Variants in NIBAN2 observed in about 807,000 individuals in gnomAD.
The protein encoded by NIBAN2 is protein Niban 2.
In NIBAN2, 36 loss-of-function variants were observed where a neutral mutation model predicts 81.8. That is an observed-to-expected ratio of 0.44 (90% confidence interval 0.34 to 0.58). The LOEUF (loss-of-function observed/expected upper bound fraction) is 0.58, where lower values mean the gene tolerates loss of function less well. Ranked by LOEUF, NIBAN2 falls within the 20% of genes least tolerant of loss-of-function variation. The pLI is 0.02. For synonymous variants in NIBAN2, 445 were observed against 441.6 expected (o/e 1.01, Z -0.10); for missense variants, 897 against 1,014.1 (o/e 0.88, Z 1.57).
chr9:127,547,312 T>C (rs1439326228), intron 1 of NIBAN2, among the ~76,000 whole-genome samples: 1 of 150,828 alleles, frequency 6.6e-6, no homozygotes, highest in African/African-American at 2.5e-5. Flanking sequence ...AGGTCAGGAG[T>C]TTGAGACCAG....
chr9:127,555,502 AC>A (rs1837651079), intron 1 of NIBAN2, among the ~76,000 whole-genome samples: 1 of 152,296 alleles, frequency 6.6e-6, no homozygotes, highest in South Asian at 2.1e-4. Context: ...CCAGCGGCGG[AC>A]CCTGGGCCTC....
intron 8 of NIBAN2, among the ~76,000 whole-genome samples, chr9:127,515,572 C>G (rs1306179345): frequency 6.7e-6 from 1 of 149,078 alleles, no homozygotes; most frequent in Non-Finnish European, 1.5e-5. Flanking sequence ...CACAGTGGCT[C>G]ACACCTGTAA....
intron 2 of NIBAN2, among the ~76,000 whole-genome samples, chr9:127,529,788 T>C (rs1376224083): frequency 1.3e-5 from 2 of 152,248 alleles, no homozygotes; most frequent in Non-Finnish European, 2.9e-5. Context: ...TGGTGATTAA[T>C]ATTATTTCCA....
Position 127,566,131 on chromosome 9 carries a change from CA to C in NIBAN2, c.55+2688del, listed in dbSNP as rs542449304. ...TGGGTGACAGAGCAAGACCTTGTCTCAAAAAAAAAAAGATATTACTCCAAGG... is the reference window on the plus strand; with the variant it reads ...TGGGTGACAGAGCAAGACCTTGTCTCAAAAAAAAAAGATATTACTCCAAGG... On this transcript the variant is annotated intron_variant, in intron 1 of 13. Coordinates refer to ENST00000373312, the MANE Select transcript of NIBAN2 (RefSeq NM_022833.4). Among the ~76,000 whole-genome samples, 243 of 143,098 alleles carry C rather than the reference CA, an allele frequency of 1.7e-3. 1 individual carries two copies. The highest frequency in any genetic ancestry group is 3.7e-3 in the South Asian group (17 of 4,542). The allele number at this position is 143,098 out of a possible 152,430, so 93.9% of individuals were successfully genotyped here.
At chr9:127,572,669 T>C (rs1183996279), upstream of NIBAN2, among the ~76,000 whole-genome samples, 1 of 152,000 alleles carries the variant, frequency 6.6e-6, no homozygotes, top group Non-Finnish European at 1.5e-5. Context: ...CTTTTCTGCC[T>C]CCTACTGTCC....
intron 2 of NIBAN2, among the ~76,000 whole-genome samples, chr9:127,529,796 C>G (rs953075918): frequency 2.0e-5 from 3 of 152,118 alleles, no homozygotes; most frequent in African/African-American, 2.4e-5. Flanking sequence ...AATATTATTT[C>G]CAGTATTATG....
intron 8 of NIBAN2, among the ~76,000 whole-genome samples, chr9:127,512,763 G>T (rs878874063): frequency 6.6e-6 from 1 of 152,194 alleles, no homozygotes; most frequent in Admixed American, 6.5e-5. Flanking sequence ...AATTTTCAGG[G>T]TTCACAGTGG....
At chr9:127,567,364 G>A (rs1336444069) in intron 1 of NIBAN2, among the ~76,000 whole-genome samples, 1 of 152,210 alleles carries the variant, frequency 6.6e-6, no homozygotes, top group Non-Finnish European at 1.5e-5. Context: ...CCACAGTCCA[G>A]GCCTGGTCGG....
Position 127,510,321 on chromosome 9 carries a change from G to A in NIBAN2, c.986C>T (p.Pro329Leu). 1.2e-6 allele frequency: 2 copies of A among 1,607,178 alleles called. No individual in the cohort carries two copies. The highest frequency in any genetic ancestry group is 1.7e-6 in the Non-Finnish European group (2 of 1,174,804). ...LASKIRAFIL[P>L]KAEVCVRNHV... ...GTTCCGCACGCACACCTCTGCCTTG[G>A]GGAGGATGAAGGCTGTGCCCCGAGG... The change falls in exon 9 of 14, where the codon CCC becomes CTC. Residue 329 changes from proline (P) to leucine (L), a missense_variant. This residue lies in a region of NIBAN2 where 619 missense variants were observed against 691.0 expected (regional missense o/e 0.90). Transcript: ENST00000373312.
intron 1 of NIBAN2, among the ~76,000 whole-genome samples, chr9:127,561,835 G>C (rs953675403): frequency 2.0e-5 from 3 of 152,274 alleles, no homozygotes; most frequent in African/African-American, 7.2e-5. Flanking sequence ...GAATGGCTTT[G>C]CTCCACCCTC....
intron 2 of NIBAN2, among the ~76,000 whole-genome samples, chr9:127,528,054 T>C (rs1837110088): frequency 1.3e-5 from 2 of 152,208 alleles, no homozygotes; most frequent in Non-Finnish European, 2.9e-5. Flanking sequence ...ACTTTGAGCA[T>C]CAGTTTCCTC....
intron 1 of NIBAN2, among the ~76,000 whole-genome samples, chr9:127,550,628 G>A (rs915901788): frequency 1.3e-5 from 2 of 152,302 alleles, no homozygotes; most frequent in African/African-American, 4.8e-5. Context: ...AGAGGAGGAT[G>A]GCATATTCCC....
intron 1 of NIBAN2, among the ~76,000 whole-genome samples, chr9:127,574,805 G>A (rs1316876): frequency 0.73 from 110,594 of 152,100 alleles, 40,365 homozygotes; most frequent in Middle Eastern, 0.77. Context: ...CACCCAGCCC[G>A]GACCTCCTCT....
intron 1 of NIBAN2, among the ~76,000 whole-genome samples, chr9:127,553,886 T>C (rs1837620764): frequency 6.6e-6 from 1 of 152,168 alleles, no homozygotes; most frequent in East Asian, 1.9e-4. Context: ...TGGCTAATTT[T>C]TTTTTACTTA....
chr9:127,578,067 T>G (rs1838029598), intron 1 of NIBAN2, among the ~76,000 whole-genome samples: 1 of 151,366 alleles, frequency 6.6e-6, no homozygotes, highest in Non-Finnish European at 1.5e-5. Flanking sequence ...GGTGGGTGCC[T>G]GAAATCCCAT....
intron 1 of NIBAN2, among the ~76,000 whole-genome samples, chr9:127,560,232 G>A (rs1001274392): frequency 6.6e-6 from 1 of 152,180 alleles, no homozygotes; most frequent in African/African-American, 2.4e-5. Context: ...AATCCAGACA[G>A]GTTTCCCTGT....
intron 5 of NIBAN2, among the ~76,000 whole-genome samples, chr9:127,520,764 G>A (rs191930277): frequency 6.1e-4 from 93 of 152,162 alleles, no homozygotes; most frequent in East Asian, 3.7e-3. Context: ...CACGCCTGTA[G>A]TCCCAGCTAC....
chr9:127,553,815 A>G (rs1390532832), intron 1 of NIBAN2, among the ~76,000 whole-genome samples: 1 of 152,154 alleles, frequency 6.6e-6, no homozygotes, highest in African/African-American at 2.4e-5. Flanking sequence ...TCCTGGGCTC[A>G]AGCAATCCTC....
rs529306472 is a variant in NIBAN2 at position 127,508,415 on chromosome 9, C to T, written c.1434+7G>A. 3.5e-5 allele frequency: 56 copies of T among 1,604,456 alleles called. No homozygotes were observed. In the East Asian group the frequency reaches 4.0e-4, roughly 12 times the overall value. ...GACGGTCCGGGGCAGGGCGTGGGGC[C>T]GCTCACCTTCAGCACCCGCTCCAGG... On this transcript the variant is annotated splice_region_variant and intron_variant, in intron 11 of 13. Coordinates refer to ENST00000373312, the MANE Select transcript of NIBAN2 (RefSeq NM_022833.4). The surrounding 1 kb of genome is among the most constrained non-coding windows in gnomAD (Gnocchi z 6.4).
Sources: gnomAD v4.1 joint callset for allele counts (sites outside exome capture counted in the v4.1 genomes callset) on GRCh38, gnomAD v4.1.1 for gene constraint, gnomAD v4.1.1 regional missense constraint, Gnocchi (gnomAD v3.1) non-coding constraint, MANE v1.5 for transcripts, NCBI Gene and HGNC (gene_info 2026-07-23, HGNC 2026-07-21) for gene names.